The following TAFA1 variants were observed in gnomAD, a reference collection of about 807,000 sequenced individuals.
The protein encoded by TAFA1 is chemokine-like protein TAFA-1.
A neutral mutation model predicts 18.5 loss-of-function variants in TAFA1; 4 were observed. That is an observed-to-expected ratio of 0.22 (90% confidence interval 0.11 to 0.49). TAFA1 has a LOEUF of 0.49. Ranked by LOEUF, TAFA1 falls within the 20% of genes least tolerant of loss-of-function variation. TAFA1 has a pLI of 0.98. For missense variants in TAFA1, 147 were observed against 169.0 expected, an observed-to-expected ratio of 0.87 and a Z score of 0.72; for synonymous variants, 56 against 55.2, an observed-to-expected ratio of 1.01 and a Z score of -0.06.
intron 2 of TAFA1, among the ~76,000 whole-genome samples, chr3:68,031,190 C>T (rs773681010): frequency 2.0e-5 from 3 of 151,990 alleles, no homozygotes; most frequent in Non-Finnish European, 4.4e-5. Context: ...AGGTTTGAGT[C>T]GATAATGTTT....
chr3:68,104,509 A>C (rs1179118984), intron 2 of TAFA1, among the ~76,000 whole-genome samples: 9 of 152,090 alleles, frequency 5.9e-5, no homozygotes, highest in Admixed American at 5.9e-4. Context: ...ATATATTGTC[A>C]TTAAATTTTA....
chr3:68,435,636 G>A (rs2071255403), intron 3 of TAFA1, among the ~76,000 whole-genome samples: 1 of 152,282 alleles, frequency 6.6e-6, no homozygotes, highest in African/African-American at 2.4e-5. Flanking sequence ...GGGTAACAAA[G>A]TTACATCACA....
At chr3:68,092,035 T>C (rs1225511427) in intron 2 of TAFA1, among the ~76,000 whole-genome samples, 1 of 152,116 alleles carries the variant, frequency 6.6e-6, no homozygotes, top group African/African-American at 2.4e-5. Context: ...AATGTCCCAT[T>C]TCCTGGAATT....
At chr3:68,448,046 T>A (rs530229490) in intron 3 of TAFA1, among the ~76,000 whole-genome samples, 2 of 152,244 alleles carry the variant, frequency 1.3e-5, no homozygotes, top group East Asian at 3.9e-4. Flanking sequence ...GCTCAGGAAT[T>A]CTGCTGCAGT....
intron 2 of TAFA1, among the ~76,000 whole-genome samples, chr3:68,240,265 AG>A (rs1427195020): frequency 1.3e-5 from 2 of 152,204 alleles, no homozygotes; most frequent in Non-Finnish European, 2.9e-5. Flanking sequence ...AAGCTGTTTA[AG>A]AAAGCACAGT....
chr3:68,158,492 G>C (rs967829620), intron 2 of TAFA1, among the ~76,000 whole-genome samples: 8 of 151,588 alleles, frequency 5.3e-5, no homozygotes, highest in African/African-American at 1.9e-4. Context: ...GATACATTGT[G>C]GCCATTTTTC....
intron 3 of TAFA1, among the ~76,000 whole-genome samples, chr3:68,506,321 C>T (rs1195428506): frequency 6.6e-6 from 1 of 151,910 alleles, no homozygotes; most frequent in African/African-American, 2.4e-5. Context: ...CAAGTCTTTG[C>T]TATTGTGAAC....
intron 2 of TAFA1, among the ~76,000 whole-genome samples, chr3:68,020,415 G>A (rs562919993): frequency 6.6e-6 from 1 of 152,226 alleles, no homozygotes; most frequent in African/African-American, 2.4e-5. Flanking sequence ...CCCATAGAGT[G>A]GGGGTTTGTA....
At chr3:68,124,346 T>C (rs1467369287) in intron 2 of TAFA1, among the ~76,000 whole-genome samples, 1 of 152,212 alleles carries the variant, frequency 6.6e-6, no homozygotes, top group Non-Finnish European at 1.5e-5. Context: ...TCCTGGCTAA[T>C]ATGGGAGTTA....
chr3:68,078,470 C>T (rs868376220), intron 2 of TAFA1, among the ~76,000 whole-genome samples: 4,573 of 152,066 alleles, frequency 0.03, 247 homozygotes, highest in African/African-American at 0.1. Flanking sequence ...CTCTTATTAT[C>T]TTGAGATACG....
chr3:68,121,448 A>G lies in TAFA1; in HGVS notation c.118+114704A>G, dbSNP rs185210422. On this transcript the variant is annotated intron_variant, in intron 2 of 4. Coordinates refer to ENST00000478136, the MANE Select transcript of TAFA1 (RefSeq NM_213609.4). ...TTCTGTGTCACTGGATCTTTCACAT[A>G]TGCAAGTTTATTTTTGGTGTTCCAA... 2.8e-3 allele frequency among the ~76,000 whole-genome samples: 420 copies of G among 152,260 alleles called. 2 individuals carry two copies. Among genetic ancestry groups the G allele is most frequent in the African/African-American group, 9.7e-3 (403 of 41,542 alleles).
At chr3:68,084,636 A>G (rs2064948581) in intron 2 of TAFA1, among the ~76,000 whole-genome samples, 1 of 152,078 alleles carries the variant, frequency 6.6e-6, no homozygotes, top group Non-Finnish European at 1.5e-5. Flanking sequence ...CATCTCTACT[A>G]AAACATACAA....
chr3:68,281,032 T>A (rs530836744), intron 2 of TAFA1, among the ~76,000 whole-genome samples: 1 of 152,314 alleles, frequency 6.6e-6, no homozygotes, highest in Non-Finnish European at 1.5e-5. Context: ...TATGATGGTA[T>A]GCAACTTATT....
intron 2 of TAFA1, among the ~76,000 whole-genome samples, chr3:68,414,903 G>A (rs1437676856): frequency 1.3e-5 from 2 of 152,194 alleles, no homozygotes; most frequent in African/African-American, 4.8e-5. Context: ...TCTTGTATTA[G>A]AGCCAAGAGG....
chr3:68,046,305 A>G (rs1241783871), intron 2 of TAFA1, among the ~76,000 whole-genome samples: 2 of 152,202 alleles, frequency 1.3e-5, no homozygotes, highest in Non-Finnish European at 1.5e-5. Context: ...CTCTGATTGT[A>G]GGAGTATAAA....
chr3:68,263,428 A>AC (rs1425176125), intron 2 of TAFA1, among the ~76,000 whole-genome samples: 1 of 121,774 alleles, frequency 8.2e-6, no homozygotes, highest in Non-Finnish European at 1.7e-5. Flanking sequence ...TAGAACAGAT[A>AC]CTTTAACCAC....
At chr3:68,381,846 G>A (rs1485004939) in intron 2 of TAFA1, among the ~76,000 whole-genome samples, 3 of 152,272 alleles carry the variant, frequency 2.0e-5, no homozygotes, top group Non-Finnish European at 2.9e-5. Context: ...CCTGCCTTGT[G>A]CCAGTTTTCA....
At chr3:68,368,597 T>G (rs2069619026) in intron 2 of TAFA1, among the ~76,000 whole-genome samples, 1 of 152,062 alleles carries the variant, frequency 6.6e-6, no homozygotes, top group South Asian at 2.1e-4. Context: ...TTTTTACCGT[T>G]GTCTTTAATA....
At chr3:68,135,415 G>A (rs2065595652) in intron 2 of TAFA1, among the ~76,000 whole-genome samples, 2 of 152,216 alleles carry the variant, frequency 1.3e-5, no homozygotes, top group South Asian at 4.1e-4. Context: ...GATCCTGCAT[G>A]TGAATTTGGG....
Sources: gnomAD v4.1 joint callset for allele counts (sites outside exome capture counted in the v4.1 genomes callset) on GRCh38, gnomAD v4.1.1 for gene constraint, MANE v1.5 for transcripts, NCBI Gene and HGNC (gene_info 2026-07-23, HGNC 2026-07-21) for gene names.